DENND4A: variants seen among roughly 807,000 people sequenced by gnomAD.
The protein encoded by DENND4A is DENN domain containing 4A.
A neutral mutation model predicts 199.3 loss-of-function variants in DENND4A; 70 were observed. The ratio of observed to expected loss-of-function variants is 0.35; its 90% CI spans 0.29 to 0.43. The LOEUF is 0.43. Among genes scored for constraint, DENND4A ranks in the 20% least tolerant of loss-of-function variants. The pLI is 1.00. For synonymous variants in DENND4A, 686 were observed against 766.9 expected, an observed-to-expected ratio of 0.89 and a Z score of 1.74; for missense variants, 1,723 against 2,255.8, an observed-to-expected ratio of 0.76 and a Z score of 4.78.
chr15:65,781,711 A>G (rs988078760), intron 1 of DENND4A, among the ~76,000 whole-genome samples: 2 of 152,210 alleles, frequency 1.3e-5, no homozygotes, highest in African/African-American at 2.4e-5. Flanking sequence ...GCGATAAATA[A>G]AATAATCTAA....
At chr15:65,709,719 A>AAAAAAAAATATATATATAT (rs1218030026) in intron 14 of DENND4A, among the ~76,000 whole-genome samples, 4 of 51,462 alleles carry the variant, frequency 7.8e-5, no homozygotes, top group Non-Finnish European at 1.3e-4. Flanking sequence ...AAAAAAAAAA[A>AAAAAAAAATATATATATAT]ATATATATAT....
chr15:65,686,343 T>A (rs1376175823), intron 23 of DENND4A, among the ~76,000 whole-genome samples: 9 of 152,206 alleles, frequency 5.9e-5, no homozygotes, highest in Non-Finnish European at 4.4e-5. Flanking sequence ...AGTTGTTGAG[T>A]GTATATTCTA....
At chr15:65,782,433 C>T (rs1323153801) in intron 1 of DENND4A, among the ~76,000 whole-genome samples, 1 of 152,116 alleles carries the variant, frequency 6.6e-6, no homozygotes, top group African/African-American at 2.4e-5. Flanking sequence ...TCCTTCATTA[C>T]CCTTACTACT....
chr15:65,696,725 A>T (rs2077156897), intron 21 of DENND4A: 1 of 302,196 alleles, frequency 3.3e-6, no homozygotes, highest in Admixed American at 4.7e-5. Flanking sequence ...GTCCATGCAC[A>T]AATTTTATAT....
At chr15:65,716,230 TTTTTTCTTTTA>T (rs1455149678) in intron 13 of DENND4A, among the ~76,000 whole-genome samples, 5 of 152,098 alleles carry the variant, frequency 3.3e-5, no homozygotes, top group East Asian at 1.9e-4. Flanking sequence ...TCTTTCTTTT[TTTTTTCTTTTA>T]TTTTTCTTTT....
intron 5 of DENND4A, 33 bp downstream of exon 5, chr15:65,741,682 T>C (rs764614076): frequency 6.3e-7 from 1 of 1,584,074 alleles, no homozygotes; most frequent in South Asian, 1.1e-5. Flanking sequence ...AATACATTTA[T>C]ATATGAAGTA....
intron 23 of DENND4A, among the ~76,000 whole-genome samples, chr15:65,687,392 T>C (rs946693398): frequency 6.6e-6 from 1 of 152,264 alleles, no homozygotes; most frequent in Non-Finnish European, 1.5e-5. Flanking sequence ...TATAGGTTTT[T>C]CTTTTCTTTT....
At chr15:65,743,786 A>G (rs893339079) in intron 4 of DENND4A, among the ~76,000 whole-genome samples, 1 of 152,194 alleles carries the variant, frequency 6.6e-6, no homozygotes, top group Non-Finnish European at 1.5e-5. Flanking sequence ...GCCCTGATAC[A>G]AAAGTATGCC....
chr15:65,690,689 T>G lies in DENND4A; in HGVS notation c.3905A>C (p.Lys1302Thr). Residue 1302 changes from lysine to threonine, a missense_variant, in exon 23 of 33, where the codon AAG becomes ACG. Lys to Thr is a moderately conservative substitution (Grantham distance 78, BLOSUM62 -1). Transcript: ENST00000443035. The stretch of plus-strand genomic sequence containing the variant: ...TTTAGATTTGGTAAGTCTCACTGGC[T>G]TAGGAGAATTAGGAGGCAGACTAGA... The part of the protein sequence containing the change: ...RRSSLPPNSP[K>T]PVRLTKSKSY... 1 of 1,613,684 alleles carries G rather than the reference T, an allele frequency of 6.2e-7. No homozygotes were observed. The highest frequency in any genetic ancestry group is 8.5e-7 in the Non-Finnish European group (1 of 1,179,774).
intron 1 of DENND4A, among the ~76,000 whole-genome samples, chr15:65,779,502 GTTTT>G (rs950610846): frequency 2.0e-5 from 3 of 151,678 alleles, no homozygotes; most frequent in African/African-American, 4.8e-5. Context: ...TTGTTTGTTT[GTTTT>G]GTTTTTAAAG....
chr15:65,746,426 A>G (rs1259553354), intron 4 of DENND4A, among the ~76,000 whole-genome samples: 3 of 104,692 alleles, frequency 2.9e-5, no homozygotes, highest in Non-Finnish European at 1.7e-5. Flanking sequence ...TCGTTCTGTC[A>G]CGCAGACTGT....
rs531044656 is a variant in DENND4A at position 65,700,535 on chromosome 15, T to C, written c.2833+9A>G. ...ACTATAATAAATGTATACATAAGCATACACAAACCTGTACTAGATCTATCA... is the reference window on the plus strand; with the variant it reads ...ACTATAATAAATGTATACATAAGCACACACAAACCTGTACTAGATCTATCA... On this transcript the variant is annotated intron_variant, in intron 20 of 32. Coordinates refer to ENST00000443035, the MANE Select transcript of DENND4A (RefSeq NM_001320835.1). The C allele has an allele frequency of 6.9e-7, 1 of 1,447,846 alleles. No individual in the cohort carries two copies. The highest frequency in any genetic ancestry group is 1.4e-5 in the African/African-American group (1 of 69,026). The allele number at this position is 1,447,846 out of a possible 1,614,324, so 89.7% of individuals were successfully genotyped here.
intron 4 of DENND4A, among the ~76,000 whole-genome samples, chr15:65,742,687 C>T (rs1567067078): frequency 1.3e-5 from 2 of 152,204 alleles, no homozygotes; most frequent in Admixed American, 1.3e-4. Context: ...GATCTGTCCG[C>T]CTCGGCCTCC....
intron 17 of DENND4A, among the ~76,000 whole-genome samples, 189 bp from the exon 18 acceptor site, chr15:65,702,079 A>G (rs956212940): frequency 6.6e-6 from 1 of 152,176 alleles, no homozygotes; most frequent in Non-Finnish European, 1.5e-5. Context: ...CCTAGACCAC[A>G]TAGTGAGACT....
At chr15:65,702,206 C>T (rs2074897302) in intron 17 of DENND4A, 99 bp downstream of exon 17, 2 of 994,180 alleles carry the variant, frequency 2.0e-6, no homozygotes, top group Admixed American at 2.1e-5. Context: ...GAGGTTAAGA[C>T]TGCAGTGAGC....
intron 14 of DENND4A, among the ~76,000 whole-genome samples, chr15:65,709,719 A>AAATATATAT (rs1218030026): frequency 1.9e-5 from 1 of 51,476 alleles, no homozygotes; most frequent in Non-Finnish European, 3.1e-5. Flanking sequence ...AAAAAAAAAA[A>AAATATATAT]ATATATATAT....
chr15:65,747,932 C>G (rs1174387926), intron 4 of DENND4A, among the ~76,000 whole-genome samples: 1 of 149,320 alleles, frequency 6.7e-6, no homozygotes, highest in African/African-American at 2.5e-5. Flanking sequence ...CCCAGCTACT[C>G]AGGAGGCTGA....
chr15:65,722,054 CATTTTTAA>C (rs551694382), intron 12 of DENND4A, among the ~76,000 whole-genome samples: 98 of 152,268 alleles, frequency 6.4e-4, no homozygotes, highest in African/African-American at 2.2e-3. Context: ...AAATAAAAAA[CATTTTTAA>C]AAGATAAGCA....
At chr15:65,755,762 C>A (rs899676914) in intron 3 of DENND4A, among the ~76,000 whole-genome samples, 1 of 152,092 alleles carries the variant, frequency 6.6e-6, no homozygotes, top group African/African-American at 2.4e-5. Flanking sequence ...TTAACCCTGT[C>A]CCTTTAAAAA....
Sources: allele counts gnomAD v4.1 joint callset (sites outside exome capture counted in the v4.1 genomes callset), GRCh38; gene constraint gnomAD v4.1.1; transcripts MANE v1.5; gene names NCBI Gene and HGNC (gene_info 2026-07-23, HGNC 2026-07-21).